Variants in CROT observed in about 807,000 individuals in gnomAD.
The protein encoded by CROT is peroxisomal carnitine O-octanoyltransferase.
CROT carries 84 observed loss-of-function variants against 89.2 expected under a neutral mutation model. The ratio of observed to expected loss-of-function variants is 0.94; its 90% confidence interval spans 0.79 to 1.13. The LOEUF is 1.13. Among genes scored for constraint, CROT ranks in the 50% most tolerant of loss-of-function variants. The pLI, the probability that CROT is intolerant of heterozygous loss-of-function variation, is 0.00. For synonymous variants in CROT, 212 were observed against 239.5 expected, an observed-to-expected ratio of 0.89 and a Z score of 1.06; for missense variants, 711 against 727.8, an observed-to-expected ratio of 0.98 and a Z score of 0.27.
At chr7:87,389,626 G>T (rs1333176931) in intron 13 of CROT, among the ~76,000 whole-genome samples, 1 of 151,928 alleles carries the variant, frequency 6.6e-6, no homozygotes, top group Admixed American at 6.6e-5. Context: ...CTGTCATGGG[G>T]TGGGGGGCTA....
intron 4 of CROT, chr7:87,360,141 T>C: frequency 1.1e-6 from 1 of 910,894 alleles, no homozygotes; most frequent in African/African-American, 1.8e-5. Context: ...TGTATCTTTT[T>C]TGTTTATGTC....
intron 14 of CROT, among the ~76,000 whole-genome samples, chr7:87,392,339 C>G (rs1485771394): frequency 1.3e-5 from 2 of 152,136 alleles, no homozygotes; most frequent in Non-Finnish European, 2.9e-5. Flanking sequence ...GTGCTGCCCA[C>G]AAGTTCATAG....
rs1246934236 is a variant in CROT at position 87,391,680 on chromosome 7, TG to T, written c.1395del (p.Trp465CysfsTer29). The T allele has an allele frequency of 6.2e-7, 1 of 1,610,920 alleles. No homozygotes were observed. The highest frequency in any genetic ancestry group is 1.3e-5 in the African/African-American group (1 of 74,774). On this transcript the variant is annotated frameshift_variant, in exon 14 of 18. Transcript: ENST00000331536. LOFTEE classifies it high-confidence loss of function. Reference sequence around the variant, plus strand: ...ATCATGCACAGTTGAAGCAGTGAGGTGGTGCCAGTCCATGCAGGATCCTTCT... The same window carrying T: ...ATCATGCACAGTTGAAGCAGTGAGGTGTGCCAGTCCATGCAGGATCCTTCT... Reference protein sequence around the residue: ...MRSCTVEAVRWCQSMQDPSVN... With the variant: ...MRSCTVEAVRXCQSMQDPSVN...
chr7:87,388,336 G>GA (rs1468006606), intron 13 of CROT, among the ~76,000 whole-genome samples: 1 of 151,850 alleles, frequency 6.6e-6, no homozygotes, highest in African/African-American at 2.4e-5. Flanking sequence ...TAAGCAAAAA[G>GA]AAAAAAACTG....
Position 87,375,656 on chromosome 7 carries a change from G to A in CROT, c.681G>A (p.Lys227=), listed in dbSNP as rs1806786815. Residue 227 remains lysine, a synonymous_variant, in exon 8 of 18, where the codon AAG becomes AAA. Transcript: ENST00000331536. ...GACAACTGACATATATCCACAAGAA[G>A]TGCCATAGTGAACCTGATGGACCTG... ...LLRQLTYIHK[K]CHSEPDGPGI... is the part of the protein sequence containing the mutation. 1 of 1,613,304 alleles carries A rather than the reference G, an allele frequency of 6.2e-7. No homozygotes were observed. Among genetic ancestry groups the A allele is most frequent in the Non-Finnish European group, 8.5e-7 (1 of 1,179,370 alleles).
intron 7 of CROT, among the ~76,000 whole-genome samples, chr7:87,371,174 A>C (rs1806618804): frequency 6.6e-6 from 1 of 152,192 alleles, no homozygotes; most frequent in Non-Finnish European, 1.5e-5. Flanking sequence ...TGCCAAGAAG[A>C]TAATTTCCTA....
At chr7:87,354,516 A>G in intron 3 of CROT, 1 of 432,514 alleles carries the variant, frequency 2.3e-6, no homozygotes, top group Non-Finnish European at 4.7e-6. Context: ...TTAAAAGCCA[A>G]AAGTACAGAA....
rs58420072 is a variant in CROT, at chr7:87,399,073, T to A, written c.*429T>A. The A allele has an allele frequency of 8.3e-5, 14 of 169,016 alleles. No homozygotes were observed. Among genetic ancestry groups the A allele is most frequent in the African/African-American group, 3.1e-4 (13 of 41,560 alleles). 10.5% of individuals were successfully genotyped at this position (169,016 alleles called of 1,614,324 possible). On this transcript the variant is annotated 3_prime_UTR_variant, in exon 18 of 18. Transcript: ENST00000331536. Reference sequence around the variant, plus strand: ...TAGCTGCCAAAGGGTATGAATTACATTATTGTATGCTAATTTCCCTGAAAT... The same window carrying A: ...TAGCTGCCAAAGGGTATGAATTACAATATTGTATGCTAATTTCCCTGAAAT...
Position 87,392,724 on chromosome 7 carries a change from T to C in CROT, c.1505-6T>C, listed in dbSNP as rs370782923. On this transcript the variant is annotated splice_region_variant and splice_polypyrimidine_tract_variant and intron_variant, in intron 15 of 17. Transcript: ENST00000331536. ...TTCTAACCTGAGATTTGGGGTTTCATTGCAGGATTTGATCGTCACCTTTTA... is the reference window on the plus strand; with the variant it reads ...TTCTAACCTGAGATTTGGGGTTTCACTGCAGGATTTGATCGTCACCTTTTA... 2.6e-4 allele frequency: 418 copies of C among 1,612,996 alleles called. No homozygotes were observed. Among genetic ancestry groups the C allele is most frequent in the Non-Finnish European group, 3.3e-4 (392 of 1,179,580 alleles).
At chr7:87,370,019 G>A (rs1183868650) in intron 7 of CROT, among the ~76,000 whole-genome samples, 2 of 151,904 alleles carry the variant, frequency 1.3e-5, no homozygotes, top group Admixed American at 1.3e-4. Flanking sequence ...AGTCAATGCT[G>A]TTTCAACTAT....
At chr7:87,369,187 A>G (rs1482980611) in intron 6 of CROT, among the ~76,000 whole-genome samples, 189 bp from the exon 7 acceptor site, 1 of 152,238 alleles carries the variant, frequency 6.6e-6, no homozygotes, top group Non-Finnish European at 1.5e-5. Flanking sequence ...AACAAGTGTC[A>G]GGAGTATGTA....
chr7:87,384,548 T>G (rs1402862704), intron 13 of CROT, among the ~76,000 whole-genome samples: 1 of 152,136 alleles, frequency 6.6e-6, no homozygotes, highest in Non-Finnish European at 1.5e-5. Flanking sequence ...ACAAAAAAGA[T>G]TATTTGTCCA....
rs1054240875 is a variant in CROT at position 87,398,864 on chromosome 7, G to A, written c.*220G>A. 3.8e-6 allele frequency: 2 copies of A among 524,112 alleles called. No homozygotes were observed. The highest frequency in any genetic ancestry group is 3.4e-6 in the Non-Finnish European group (1 of 294,764). 32.5% of individuals were successfully genotyped at this position (524,112 alleles called of 1,614,324 possible). On this transcript the variant is annotated 3_prime_UTR_variant, in exon 18 of 18. Coordinates refer to ENST00000331536, the MANE Select transcript of CROT (RefSeq NM_021151.4). ...TAAGCTCCTCTGATGCAGCAGCAAT[G>A]CAAATTATGACATAGTGAATATAGA... is the stretch of plus-strand genomic sequence containing the variant.
chr7:87,363,649 C>T (rs1192815595), intron 6 of CROT, among the ~76,000 whole-genome samples: 4 of 152,074 alleles, frequency 2.6e-5, no homozygotes, highest in Non-Finnish European at 5.9e-5. Flanking sequence ...AGGTTTTTGG[C>T]TTGCGTTTAA....
intron 7 of CROT, among the ~76,000 whole-genome samples, chr7:87,370,752 G>A (rs913656960): frequency 2.6e-5 from 4 of 152,116 alleles, no homozygotes; most frequent in Non-Finnish European, 5.9e-5. Context: ...GTTGTTTACA[G>A]TTTGCATTAT....
chr7:87,365,812 C>T (rs951638542), intron 6 of CROT, among the ~76,000 whole-genome samples: 2 of 151,934 alleles, frequency 1.3e-5, no homozygotes, highest in African/African-American at 4.8e-5. Flanking sequence ...TGCCATGTTG[C>T]CCAGGCTGGT....
intron 3 of CROT, among the ~76,000 whole-genome samples, chr7:87,358,887 T>G (rs78098927): frequency 0.013 from 2,007 of 152,282 alleles, 47 homozygotes; most frequent in African/African-American, 0.046. Flanking sequence ...TTTTTTTCTC[T>G]CTTTATGTTA....
chr7:87,392,503 G>A, intron 14 of CROT, 63 bp from the exon 15 acceptor site: 1 of 1,313,928 alleles, frequency 7.6e-7, no homozygotes, highest in Non-Finnish European at 1.1e-6. Flanking sequence ...ATGAGCTTAG[G>A]ATTTTTTTCT....
At chr7:87,393,524 T>C (rs1366843446) in intron 17 of CROT, among the ~76,000 whole-genome samples, 1 of 152,184 alleles carries the variant, frequency 6.6e-6, no homozygotes, top group Non-Finnish European at 1.5e-5. Flanking sequence ...GTGTGGAGTT[T>C]GACTTATGTT....
Sources: allele counts gnomAD v4.1 joint callset (sites outside exome capture counted in the v4.1 genomes callset), GRCh38; gene constraint gnomAD v4.1.1; transcripts MANE v1.5; gene names NCBI Gene and HGNC (gene_info 2026-07-23, HGNC 2026-07-21).